Variants in PLIN2 observed in about 807,000 individuals in gnomAD.
The protein encoded by PLIN2 is perilipin 2.
Under a neutral mutation model 30.6 loss-of-function variants are expected in PLIN2, and 33 were observed. The ratio of observed to expected loss-of-function variants is 1.08; its 90% CI spans 0.82 to 1.44. The LOEUF (loss-of-function observed/expected upper bound fraction) is 1.44, where lower values mean the gene tolerates loss of function less well. Among genes scored for constraint, PLIN2 ranks in the 40% most tolerant of loss-of-function variants. The probability of loss-of-function intolerance (pLI) is 0.00; values close to 1 mark genes in which losing one functional copy is unlikely to be tolerated. For synonymous variants in PLIN2, 205 were observed against 201.1 expected (o/e 1.02, Z -0.16); for missense variants, 610 against 531.8 (o/e 1.15, Z -1.45).
intron 3 of PLIN2, 83 bp from the exon 4 acceptor site, chr9:19,123,730 G>C: frequency 8.1e-7 from 1 of 1,240,682 alleles, no homozygotes; most frequent in Non-Finnish European, 1.1e-6. Flanking sequence ...ATAAAAAATG[G>C]CAATAATGGG....
At chr9:19,114,059 G>A (rs374363212), downstream of PLIN2, among the ~76,000 whole-genome samples, 14 of 151,948 alleles carry the variant, frequency 9.2e-5, no homozygotes, top group Middle Eastern at 3.4e-3. Flanking sequence ...ATTACAGGCC[G>A]TGAGCTACCA....
chr9:19,122,094 G>GC (rs1285439705), intron 4 of PLIN2, among the ~76,000 whole-genome samples: 2 of 107,526 alleles, frequency 1.9e-5, no homozygotes, highest in African/African-American at 7.7e-5. Context: ...GGGTGACAGA[G>GC]CAAGACTCTG....
intron 5 of PLIN2, 60 bp downstream of exon 5, chr9:19,120,820 A>G (rs1325139752): frequency 3.8e-6 from 5 of 1,329,260 alleles, no homozygotes; most frequent in Admixed American, 1.7e-5. Context: ...GTATATGTCA[A>G]TGAAGCTGTT....
intron 2 of PLIN2, among the ~76,000 whole-genome samples, chr9:19,109,615 G>C (rs962547628): frequency 6.0e-5 from 9 of 149,388 alleles, no homozygotes; most frequent in African/African-American, 1.9e-4. Flanking sequence ...AATCTTGATA[G>C]TGGAGGAAAA....
chr9:19,112,303 T>C (rs557680462), downstream of PLIN2, among the ~76,000 whole-genome samples: 2 of 152,352 alleles, frequency 1.3e-5, no homozygotes, highest in Admixed American at 6.5e-5. Context: ...CATGGTTACA[T>C]ACTATGTTAG....
At chr9:19,120,778 C>T (rs1818301412) in intron 5 of PLIN2, 102 bp downstream of exon 5, 1 of 933,986 alleles carries the variant, frequency 1.1e-6, no homozygotes, top group Non-Finnish European at 1.7e-6. Flanking sequence ...GTGATGCTTG[C>T]ACAACTGTGT....
downstream of PLIN2, among the ~76,000 whole-genome samples, chr9:19,113,108 C>T (rs1433429853): frequency 6.6e-6 from 1 of 151,846 alleles, no homozygotes; most frequent in Non-Finnish European, 1.5e-5. Flanking sequence ...TTTGGGAGGC[C>T]GAAGCGGGCA....
intron 7 of PLIN2, 143 bp downstream of exon 7, chr9:19,118,178 C>CG: frequency 1.3e-6 from 1 of 765,636 alleles, no homozygotes; most frequent in Non-Finnish European, 2.0e-6. Context: ...TTTTCTGCCA[C>CG]ATAACTAGCC....
At chr9:19,109,894 T>C (rs1282692189) in intron 2 of PLIN2, among the ~76,000 whole-genome samples, 1 of 151,512 alleles carries the variant, frequency 6.6e-6, no homozygotes, top group Non-Finnish European at 1.5e-5. Context: ...AGGCAGAGGT[T>C]GCAGTGAGCC....
downstream of PLIN2, among the ~76,000 whole-genome samples, chr9:19,114,868 A>C (rs569770205): frequency 6.6e-6 from 1 of 152,338 alleles, no homozygotes; most frequent in Non-Finnish European, 1.5e-5. Flanking sequence ...GGGGGCTTAA[A>C]GTCTTTTTAC....
chr9:19,117,063 CAAAG>C (rs1048263376), intron 7 of PLIN2, among the ~76,000 whole-genome samples: 1 of 152,136 alleles, frequency 6.6e-6, no homozygotes, highest in African/African-American at 2.4e-5. Flanking sequence ...TTTTGGGACA[CAAAG>C]AACCACTTTC....
intron 5 of PLIN2, 105 bp downstream of exon 5, chr9:19,120,771 ATGCT>A: frequency 1.2e-6 from 1 of 842,516 alleles, no homozygotes; most frequent in African/African-American, 1.7e-5. Flanking sequence ...GATTGCAGTG[ATGCT>A]TGCACAACTG....
In PLIN2 at chr9:19,117,013, T is replaced by A. The variant is rs149235576; in HGVS notation, c.913-364A>T. Among the ~76,000 whole-genome samples, 4 of 152,272 alleles carry A rather than the reference T, an allele frequency of 2.6e-5. 1 individual carries two copies. Among genetic ancestry groups the A allele is most frequent in the Non-Finnish European group, 5.9e-5 (4 of 68,026 alleles). ...GTATATATTCCCTCCTCAAATAAAA[T>A]GACAAGACATGAACAAACAGTTCAT... On this transcript the variant is annotated intron_variant, in intron 7 of 7. Coordinates refer to ENST00000276914, the MANE Select transcript of PLIN2 (RefSeq NM_001122.4).
Position 19,116,121 on chromosome 9 carries a change from AACT to A in PLIN2, c.*124_*126del, listed in dbSNP as rs1818217218. On this transcript the variant is annotated 3_prime_UTR_variant, in exon 8 of 8. Transcript: ENST00000276914. ...TAAAGCTCTTAATTCAGCTGGAAAC[AACT>A]ACAATTGAGGGCCTTTATACTAGCT... 1.2e-6 allele frequency: 1 copy of A among 811,768 alleles called. No individual in the cohort carries two copies. Among genetic ancestry groups the A allele is most frequent in the Non-Finnish European group, 1.9e-6 (1 of 532,710 alleles). The allele number at this position is 811,768 out of a possible 1,614,324, so 50.3% of individuals were successfully genotyped here.
At chr9:19,110,562 AC>A (rs1818146841) in intron 2 of PLIN2, among the ~76,000 whole-genome samples, 1 of 151,112 alleles carries the variant, frequency 6.6e-6, no homozygotes, top group Admixed American at 6.6e-5. Flanking sequence ...TACAACCTCC[AC>A]CTCCCAGGTT....
chr9:19,109,551 A>AAAAAAAAAAAG (rs1564027376), intron 2 of PLIN2, among the ~76,000 whole-genome samples: 5 of 148,058 alleles, frequency 3.4e-5, no homozygotes, highest in Non-Finnish European at 3.0e-5. Flanking sequence ...AAAAAAAAAA[A>AAAAAAAAAAAG]AAAGAAAGAA....
chr9:19,123,717 C>A, intron 3 of PLIN2, 70 bp from the exon 4 acceptor site: 2 of 1,375,076 alleles, frequency 1.5e-6, no homozygotes, highest in Non-Finnish European at 2.0e-6. Context: ...TACCATAGGC[C>A]TTATAAAAAA....
Position 19,116,455 on chromosome 9 carries a change from G to C in PLIN2, c.1107C>G (p.Ser369Arg). Residue 369 changes from serine (S) to arginine (R), a missense_variant, in exon 8 of 8, where the codon AGC becomes AGG. Transcript: ENST00000276914. The stretch of plus-strand genomic sequence containing the variant: ...GCTGCCCCTTGCTAGAAGTGAGGAG[G>C]CTGTCAGACACTTCTTTAAAGGAGG... ...NAASFKEVSD[S>R]LLTSSKGQLQ... 6.2e-7 allele frequency: 1 copy of C among 1,614,080 alleles called. No homozygotes were observed. Among genetic ancestry groups the C allele is most frequent in the South Asian group, 1.1e-5 (1 of 91,076 alleles).
intron 2 of PLIN2, chr9:19,108,829 G>A (rs12554335): frequency 0.13 from 19,650 of 152,542 alleles, 1,462 homozygotes; most frequent in Admixed American, 0.16. Flanking sequence ...GGAGACTTTA[G>A]TGCATGTAGG....
Sources: allele counts gnomAD v4.1 joint callset (sites outside exome capture counted in the v4.1 genomes callset), GRCh38; gene constraint gnomAD v4.1.1; transcripts MANE v1.5; gene names NCBI Gene and HGNC (gene_info 2026-07-23, HGNC 2026-07-21).